The following TUSC3 variants were observed in gnomAD, a reference collection of about 807,000 sequenced individuals.
TUSC3 encodes tumor suppressor candidate 3, also known as dolichyl-diphosphooligosaccharide--protein glycosyltransferase subunit TUSC3.
Under a neutral mutation model 44.8 loss-of-function variants are expected in TUSC3, and 45 were observed. The observed-to-expected ratio is 1.00, with a 90% CI of 0.79 to 1.29. The LOEUF is 1.29. Ranked by LOEUF, TUSC3 falls within the 50% of genes most tolerant of loss-of-function variation. TUSC3 has a pLI of 0.00. For missense variants in TUSC3, 519 were observed against 437.9 expected (o/e 1.19, Z -1.65); for synonymous variants, 212 against 152.9 (o/e 1.39, Z -2.85).
the TUSC3 span, among the ~76,000 whole-genome samples, chr8:15,778,833 CTT>C: frequency 2.0e-5 from 3 of 152,294 alleles, no homozygotes; most frequent in East Asian, 5.8e-4. Flanking sequence ...CCAAGAAACT[CTT>C]TATGCAAATC....
chr8:15,512,337 C>T (rs1168233188), intron 2 of TUSC3, among the ~76,000 whole-genome samples: 1 of 152,152 alleles, frequency 6.6e-6, no homozygotes, highest in Non-Finnish European at 1.5e-5. Flanking sequence ...ACTGACCTCC[C>T]CTGAACAAGA....
chr8:15,445,621 C>T (rs1800086399), intron 1 of TUSC3, among the ~76,000 whole-genome samples: 1 of 152,214 alleles, frequency 6.6e-6, no homozygotes, highest in African/African-American at 2.4e-5. Flanking sequence ...TTTCAGAGAG[C>T]ACTGGGTTGG....
chr8:15,650,816 T>A lies in TUSC3; in HGVS notation c.426+2T>A. 6.2e-7 allele frequency: 1 copy of A among 1,609,716 alleles called. No individual in the cohort carries two copies. Among genetic ancestry groups the A allele is most frequent in the Admixed American group, 1.7e-5 (1 of 60,024 alleles). On this transcript the variant is annotated splice_donor_variant, in intron 3 of 10. Transcript: ENST00000503731. LOFTEE classifies it high-confidence loss of function. ...GAGGGGACAGACGTTTTTCAGCAGG[T>A]AAAGAGTTATATCGTATTCATATAT...
rs549277334 is a variant in TUSC3, at chr8:15,570,954, GTTTTTT to G, written c.138+30401_138+30406del. Among the ~76,000 whole-genome samples the G allele has an allele frequency of 3.1e-4, 14 of 44,496 alleles. 2 individuals carry two copies. The highest frequency in any genetic ancestry group is 1.9e-3 in the East Asian group (2 of 1,028). 29.2% of individuals were successfully genotyped at this position (44,496 alleles called of 152,430 possible). On this transcript the variant is annotated intron_variant, in intron 1 of 10. Transcript: ENST00000503731. Reference sequence around the variant, plus strand: ...TTGCTTTCTATTCCATTGCCTATTAGTTTTTTTTTTTTTTTTTTTTGAGATTGAGTC... The same window carrying G: ...TTGCTTTCTATTCCATTGCCTATTAGTTTTTTTTTTTTTTGAGATTGAGTC...
At chr8:15,521,617 C>A (rs1360088558) in intron 2 of TUSC3, among the ~76,000 whole-genome samples, 1 of 151,876 alleles carries the variant, frequency 6.6e-6, no homozygotes, top group African/African-American at 2.4e-5. Context: ...TAATTACCCC[C>A]CCCAAAAAAA....
chr8:15,542,376 G>T lies in TUSC3; in HGVS notation c.138+1808G>T, dbSNP rs535854535. ...ACCTAAGGTCTGTGTTGATGTTAAT[G>T]CTGGTTGGCTTTTCCAGAATTCCAA... On this transcript the variant is annotated intron_variant, in intron 1 of 10. Coordinates refer to ENST00000503731, the MANE Select transcript of TUSC3 (RefSeq NM_006765.4). Among the ~76,000 whole-genome samples the T allele has an allele frequency of 4.6e-5, 7 of 152,114 alleles. No individual in the cohort carries two copies. In the East Asian group the frequency reaches 7.8e-4, roughly 17 times the overall value.
At chr8:15,527,107 A>T (rs1197053253) in intron 2 of TUSC3, among the ~76,000 whole-genome samples, 2 of 152,190 alleles carry the variant, frequency 1.3e-5, no homozygotes, top group Admixed American at 1.3e-4. Context: ...TAATTTGCAT[A>T]TTGGCGTGCA....
At chr8:15,703,732 A>G (rs1809499270) in intron 6 of TUSC3, among the ~76,000 whole-genome samples, 1 of 152,082 alleles carries the variant, frequency 6.6e-6, no homozygotes, top group South Asian at 2.1e-4. Context: ...ATGGAAACTA[A>G]TAGCGGGAGA....
At chr8:15,537,652 G>C (rs148648804), upstream of TUSC3, among the ~76,000 whole-genome samples, 3 of 152,310 alleles carry the variant, frequency 2.0e-5, no homozygotes, top group Non-Finnish European at 4.4e-5. Context: ...ACCCTGTGGA[G>C]GGAGCGTAAC....
chr8:15,484,816 A>G (rs1338018728), intron 2 of TUSC3, among the ~76,000 whole-genome samples: 3 of 152,244 alleles, frequency 2.0e-5, no homozygotes, highest in African/African-American at 7.2e-5. Flanking sequence ...CCAAATAGTA[A>G]AAATTCTTAC....
At chr8:15,644,684 G>C (rs919233291) in intron 2 of TUSC3, among the ~76,000 whole-genome samples, 1 of 151,850 alleles carries the variant, frequency 6.6e-6, no homozygotes, top group South Asian at 2.1e-4. Context: ...TTGTTATTGG[G>C]GCACATTTTT....
intron 1 of TUSC3, among the ~76,000 whole-genome samples, chr8:15,606,022 T>G (rs952944980): frequency 6.6e-6 from 1 of 151,928 alleles, no homozygotes. Flanking sequence ...TCTCCTGTAT[T>G]TTTCATTCTG....
chr8:15,632,824 G>C (rs368827361), intron 2 of TUSC3, among the ~76,000 whole-genome samples: 4 of 152,070 alleles, frequency 2.6e-5, no homozygotes, highest in Admixed American at 2.0e-4. Flanking sequence ...TTCATGTTCA[G>C]ATTGTCCTAA....
rs144941566 is a variant in TUSC3 at position 15,616,653 on chromosome 8, T to G, written c.139-6427T>G. On this transcript the variant is annotated intron_variant, in intron 1 of 10. Transcript: ENST00000503731. ...AAACTATCAAGCTCAATTGGAAATA[T>G]TTTTCATTCATTCTGGCTGTGCTGT... is the stretch of plus-strand genomic sequence containing the variant. Among the ~76,000 whole-genome samples, 201 of 152,332 alleles carry G rather than the reference T, an allele frequency of 1.3e-3. 2 individuals are homozygous for G. Among genetic ancestry groups the G allele is most frequent in the African/African-American group, 4.7e-3 (195 of 41,584 alleles).
chr8:15,530,389 A>G (rs576472644), intron 2 of TUSC3, among the ~76,000 whole-genome samples: 12 of 152,346 alleles, frequency 7.9e-5, no homozygotes, highest in African/African-American at 1.9e-4. Flanking sequence ...AAAAGCTACT[A>G]TCATAATGGG....
intron 7 of TUSC3, among the ~76,000 whole-genome samples, chr8:15,741,229 A>T (rs1265233939): frequency 6.6e-6 from 1 of 152,130 alleles, no homozygotes; most frequent in Non-Finnish European, 1.5e-5. Flanking sequence ...CTCCCATTAA[A>T]ACTGTCATAC....
intron 1 of TUSC3, among the ~76,000 whole-genome samples, chr8:15,583,562 G>T (rs750741394): frequency 6.6e-6 from 1 of 152,150 alleles, no homozygotes; most frequent in African/African-American, 2.4e-5. Context: ...ACTAGATCCC[G>T]TGGATGGTAA....
At chr8:15,427,289 A>G (rs2129116273) in intron 1 of TUSC3, among the ~76,000 whole-genome samples, 1 of 148,322 alleles carries the variant, frequency 6.7e-6, no homozygotes, top group South Asian at 2.1e-4. Context: ...CTGGTCAGGT[A>G]TGAGCAGGGC....
At chr8:15,607,202 T>C (rs1341066585) in intron 1 of TUSC3, among the ~76,000 whole-genome samples, 1 of 152,092 alleles carries the variant, frequency 6.6e-6, no homozygotes, top group South Asian at 2.1e-4. Flanking sequence ...GTTAATTCTA[T>C]TTCTGTATTT....
Sources: allele counts gnomAD v4.1 joint callset (sites outside exome capture counted in the v4.1 genomes callset), GRCh38; gene constraint gnomAD v4.1.1; transcripts MANE v1.5; gene names NCBI Gene and HGNC (gene_info 2026-07-23, HGNC 2026-07-21).